Variants in GAB4 observed in about 807,000 individuals in gnomAD.
GAB4 encodes GRB2 associated binding protein family member 4, also known as GRB2-associated-binding protein 4.
Under a neutral mutation model 51.3 loss-of-function variants are expected in GAB4, and 26 were observed. The observed-to-expected ratio is 0.51, with a 90% CI of 0.37 to 0.70. The LOEUF (loss-of-function observed/expected upper bound fraction) is 0.70. GAB4 is among the 30% of genes least tolerant of loss of function. The pLI is 0.00. For missense variants in GAB4, 759 were observed against 734.6 expected (o/e 1.03, Z -0.38); for synonymous variants, 329 against 291.2 (o/e 1.13, Z -1.32).
intron 3 of GAB4, among the ~76,000 whole-genome samples, chr22:16,977,056 A>T (rs2060784677): frequency 1.3e-5 from 2 of 152,204 alleles, no homozygotes; most frequent in African/African-American, 4.8e-5. Context: ...AGTACCAGCC[A>T]CTGCAAAACC....
chr22:16,975,427 A>C (rs756525393), intron 3 of GAB4, among the ~76,000 whole-genome samples: 1 of 152,232 alleles, frequency 6.6e-6, no homozygotes, highest in Non-Finnish European at 1.5e-5. Flanking sequence ...ACCACAGCTC[A>C]GCAAAGCCAC....
Position 16,964,866 on chromosome 22 carries a change from T to C in GAB4, c.1380-4A>G, listed in dbSNP as rs539311195. On this transcript the variant is annotated splice_region_variant and splice_polypyrimidine_tract_variant and intron_variant, in intron 7 of 9. Coordinates refer to ENST00000400588, the MANE Select transcript of GAB4 (RefSeq NM_001037814.1). ...GGAGCTGGAGTCAAAGGTGTGGCTG[T>C]CATGGGAAGAAGGCAAGGAGTACAT... The C allele has an allele frequency of 1.8e-5, 29 of 1,612,286 alleles. No homozygotes were observed. Among genetic ancestry groups the C allele is most frequent in the Non-Finnish European group, 2.1e-5 (25 of 1,178,676 alleles).
chr22:16,966,252 G>T lies in GAB4; in HGVS notation c.1136C>A (p.Ser379Tyr). ...GCCCACAGGGATGCAGACACCCTGG[G>T]AATCATCGCCTGCTTGCTTCACAGC... ...LPAVKQAGDD[S>Y]QGVCIPVGSC... The change falls in exon 6 of 10, where the codon TCC becomes TAC. Residue 379 changes from serine to tyrosine, a missense_variant. Transcript: ENST00000400588. 6.2e-7 allele frequency: 1 copy of T among 1,614,010 alleles called. No individual in the cohort carries two copies. The highest frequency in any genetic ancestry group is 8.5e-7 in the Non-Finnish European group (1 of 1,180,012).
In GAB4 at chr22:16,966,249, T is replaced by G. The variant is rs1391916189; in HGVS notation, c.1139A>C (p.Gln380Pro). Residue 380 changes from glutamine (Q) to proline (P), a missense_variant, in exon 6 of 10, where the codon CAG (glutamine) becomes CCG (proline). By Grantham distance (76) the Gln-to-Pro change is moderately conservative (BLOSUM62 -1). Transcript: ENST00000400588. Reference protein sequence around the residue: ...PAVKQAGDDSQGVCIPVGSCL... With the variant: ...PAVKQAGDDSPGVCIPVGSCL... Reference sequence around the variant, plus strand: ...TGAGCCCACAGGGATGCAGACACCCTGGGAATCATCGCCTGCTTGCTTCAC... The same window carrying G: ...TGAGCCCACAGGGATGCAGACACCCGGGGAATCATCGCCTGCTTGCTTCAC... The G allele has an allele frequency of 8.7e-6, 14 of 1,613,974 alleles. 1 individual carries two copies. The highest frequency in any genetic ancestry group is 2.2e-5 in the East Asian group (1 of 44,860).
chr22:16,978,458 TA>T (rs1431406103), intron 3 of GAB4, among the ~76,000 whole-genome samples: 1 of 152,136 alleles, frequency 6.6e-6, no homozygotes, highest in African/African-American at 2.4e-5. Flanking sequence ...CCTGGACACA[TA>T]CACCCTCCCA....
chr22:16,993,576 C>G (rs1423202876), intron 1 of GAB4, among the ~76,000 whole-genome samples: 1 of 152,156 alleles, frequency 6.6e-6, no homozygotes, highest in African/African-American at 2.4e-5. Flanking sequence ...ATTTATCTGG[C>G]AAAACCACAG....
At chr22:16,995,191 G>C (rs1322594761) in intron 1 of GAB4, among the ~76,000 whole-genome samples, 1 of 152,116 alleles carries the variant, frequency 6.6e-6, no homozygotes, top group Non-Finnish European at 1.5e-5. Context: ...TTTGGGCTGA[G>C]GGTAGAGGAG....
intron 3 of GAB4, among the ~76,000 whole-genome samples, chr22:16,981,105 A>G (rs1445580986): frequency 6.6e-6 from 1 of 152,134 alleles, no homozygotes; most frequent in Non-Finnish European, 1.5e-5. Context: ...GTGTATACCT[A>G]TGTAACAAAC....
At chr22:16,990,125 T>C (rs577213055) in intron 2 of GAB4, among the ~76,000 whole-genome samples, 48 of 152,348 alleles carry the variant, frequency 3.2e-4, no homozygotes, top group Non-Finnish European at 5.6e-4. Flanking sequence ...CCTGTCCTTA[T>C]GGCATTGCTC....
At chr22:16,969,313 A>G (rs2060709674) in intron 4 of GAB4, among the ~76,000 whole-genome samples, 1 of 152,278 alleles carries the variant, frequency 6.6e-6, no homozygotes, top group African/African-American at 2.4e-5. Context: ...GGATTTAAAC[A>G]TACATACACT....
At chr22:17,006,918 A>G (rs2061044787) in intron 1 of GAB4, among the ~76,000 whole-genome samples, 1 of 152,202 alleles carries the variant, frequency 6.6e-6, no homozygotes, top group Non-Finnish European at 1.5e-5. Flanking sequence ...TGATGGGTTG[A>G]TGGGTGCAGC....
chr22:16,965,076 C>T (rs1267154309), intron 7 of GAB4, 102 bp downstream of exon 7: 5 of 880,310 alleles, frequency 5.7e-6, no homozygotes, highest in East Asian at 5.2e-5. Flanking sequence ...ATGTCCACAT[C>T]GACATGAGCA....
chr22:16,971,277 G>A (rs1395201371), intron 3 of GAB4, among the ~76,000 whole-genome samples: 1 of 152,186 alleles, frequency 6.6e-6, no homozygotes, highest in Non-Finnish European at 1.5e-5. Flanking sequence ...TGAATGAGGA[G>A]GGAGCTGTGG....
intron 1 of GAB4, among the ~76,000 whole-genome samples, chr22:16,997,224 CT>C (rs2060957520): frequency 6.6e-6 from 1 of 152,230 alleles, no homozygotes; most frequent in Admixed American, 6.5e-5. Flanking sequence ...GCCACACTGT[CT>C]TCCACAATGG....
At chr22:16,978,850 T>A (rs1192145236) in intron 3 of GAB4, among the ~76,000 whole-genome samples, 4 of 152,148 alleles carry the variant, frequency 2.6e-5, no homozygotes, top group African/African-American at 7.2e-5. Flanking sequence ...AACTGGCTTC[T>A]TTCCTGGGAT....
At chr22:16,998,039 T>G (rs1248092842) in intron 1 of GAB4, among the ~76,000 whole-genome samples, 3 of 151,884 alleles carry the variant, frequency 2.0e-5, no homozygotes, top group African/African-American at 7.2e-5. Flanking sequence ...TGCTGTTTTG[T>G]TTACTGTAGC....
chr22:16,968,577 CCA>C (rs1325504357), intron 4 of GAB4, among the ~76,000 whole-genome samples, 194 bp from the exon 5 acceptor site: 1 of 152,168 alleles, frequency 6.6e-6, no homozygotes, highest in Non-Finnish European at 1.5e-5. Context: ...AGGTCCAGCT[CCA>C]GTGTTACCCA....
At chr22:16,970,535 T>C (rs1220214223) in intron 3 of GAB4, among the ~76,000 whole-genome samples, 2 of 152,146 alleles carry the variant, frequency 1.3e-5, no homozygotes, top group African/African-American at 4.8e-5. Context: ...GGGTGGTCAG[T>C]TTCACCCCCA....
intron 1 of GAB4, among the ~76,000 whole-genome samples, chr22:16,996,131 A>C (rs2060947493): frequency 6.6e-6 from 1 of 151,924 alleles, no homozygotes; most frequent in South Asian, 2.1e-4. Flanking sequence ...CATGAAGCCG[A>C]AAGAGACAGT....
Sources: allele counts gnomAD v4.1 joint callset (sites outside exome capture counted in the v4.1 genomes callset), GRCh38; gene constraint gnomAD v4.1.1; transcripts MANE v1.5; gene names NCBI Gene and HGNC (gene_info 2026-07-23, HGNC 2026-07-21).